Variants in PRKG1 observed in about 807,000 individuals in gnomAD.
PRKG1 encodes the protein protein kinase cGMP-dependent 1.
A neutral mutation model predicts 88.1 loss-of-function variants in PRKG1; 35 were observed. The ratio of observed to expected loss-of-function variants is 0.40; its 90% confidence interval spans 0.30 to 0.53. The LOEUF (loss-of-function observed/expected upper bound fraction) is 0.53. Among genes scored for constraint, PRKG1 ranks in the 20% least tolerant of loss-of-function variants. The pLI is 0.59. For missense variants in PRKG1, 540 were observed against 839.8 expected (o/e 0.64, Z 4.41); for synonymous variants, 303 against 292.5 (o/e 1.04, Z -0.37).
At chr10:51,210,789 C>A (rs1339406827) in intron 2 of PRKG1, among the ~76,000 whole-genome samples, 2 of 152,144 alleles carry the variant, frequency 1.3e-5, no homozygotes, top group South Asian at 2.1e-4. Flanking sequence ...TCTGAATAGA[C>A]CAATAACAGG....
At chr10:51,588,864 G>C (rs1488929941) in intron 3 of PRKG1, among the ~76,000 whole-genome samples, 1 of 152,030 alleles carries the variant, frequency 6.6e-6, no homozygotes, top group African/African-American at 2.4e-5. Flanking sequence ...TATAGTAATT[G>C]CCTTTTGATA....
At chr10:51,594,871 C>T (rs1463564889) in intron 3 of PRKG1, among the ~76,000 whole-genome samples, 1 of 152,136 alleles carries the variant, frequency 6.6e-6, no homozygotes, top group African/African-American at 2.4e-5. Flanking sequence ...GCCTTGGTCT[C>T]TTGCTGTACT....
chr10:51,754,176 G>C (rs559408549), intron 3 of PRKG1, among the ~76,000 whole-genome samples: 1 of 152,104 alleles, frequency 6.6e-6, no homozygotes, highest in Non-Finnish European at 1.5e-5. Flanking sequence ...TAGAGTCCCT[G>C]ATGAAAGTCT....
At chr10:51,220,504 TCA>T (rs201406345) in intron 2 of PRKG1, among the ~76,000 whole-genome samples, 3,095 of 152,002 alleles carry the variant, frequency 0.02, 40 homozygotes, top group Middle Eastern at 0.048. Flanking sequence ...AACAGAGAAT[TCA>T]CAGTCACGAG....
chr10:51,480,460 T>C (rs1181806394), intron 3 of PRKG1, among the ~76,000 whole-genome samples: 1 of 152,138 alleles, frequency 6.6e-6, no homozygotes, highest in Non-Finnish European at 1.5e-5. Context: ...AATTAAAAAT[T>C]GGACCTTACT....
At chr10:52,145,724 C>T (rs1274336965) in intron 8 of PRKG1, among the ~76,000 whole-genome samples, 2 of 152,114 alleles carry the variant, frequency 1.3e-5, no homozygotes, top group Non-Finnish European at 2.9e-5. Context: ...TCACACTTGC[C>T]TGGTGAGACA....
intron 5 of PRKG1, among the ~76,000 whole-genome samples, chr10:51,974,000 G>A (rs1365968086): frequency 2.0e-5 from 3 of 152,058 alleles, no homozygotes; most frequent in Admixed American, 6.6e-5. Context: ...AGTTATTTTG[G>A]AATGCAGTTA....
At chr10:52,263,421 A>G (rs1841484183) in intron 10 of PRKG1, among the ~76,000 whole-genome samples, 1 of 152,162 alleles carries the variant, frequency 6.6e-6, no homozygotes, top group Non-Finnish European at 1.5e-5. Context: ...TCATTGAGGT[A>G]TAATTTACAT....
At chr10:51,748,870 C>T (rs563890274) in intron 3 of PRKG1, among the ~76,000 whole-genome samples, 2 of 152,320 alleles carry the variant, frequency 1.3e-5, no homozygotes, top group East Asian at 1.9e-4. Flanking sequence ...ATTTCCATTA[C>T]TCTTTGTGAA....
At chr10:51,677,681 C>T (rs1840745715) in intron 3 of PRKG1, among the ~76,000 whole-genome samples, 2 of 152,150 alleles carry the variant, frequency 1.3e-5, no homozygotes. Flanking sequence ...AGTCAGTTGC[C>T]ACAATGTCCA....
intron 8 of PRKG1, among the ~76,000 whole-genome samples, chr10:52,156,261 C>G (rs1330411636): frequency 6.6e-6 from 1 of 151,906 alleles, no homozygotes; most frequent in East Asian, 1.9e-4. Context: ...AAATTACTAT[C>G]TGATATGATT....
chr10:51,403,938 C>G (rs1419023982), intron 2 of PRKG1, among the ~76,000 whole-genome samples: 1 of 152,140 alleles, frequency 6.6e-6, no homozygotes, highest in African/African-American at 2.4e-5. Context: ...TAGGTAGTAA[C>G]AAAGCCATTT....
chr10:52,232,524 C>A (rs988347641), intron 9 of PRKG1, among the ~76,000 whole-genome samples: 2 of 152,060 alleles, frequency 1.3e-5, no homozygotes, highest in African/African-American at 2.4e-5. Context: ...ACCAGAATAT[C>A]CTTTATAGTT....
At chr10:52,050,718 A>G (rs1845969192) in intron 5 of PRKG1, among the ~76,000 whole-genome samples, 2 of 152,172 alleles carry the variant, frequency 1.3e-5, no homozygotes, top group Admixed American at 1.3e-4. Flanking sequence ...CTGTGTAGGT[A>G]AACAGATATT....
intron 2 of PRKG1, among the ~76,000 whole-genome samples, chr10:51,364,659 T>C (rs1014443270): frequency 1.3e-4 from 19 of 151,916 alleles, no homozygotes; most frequent in African/African-American, 4.4e-4. Flanking sequence ...GATGGATTTA[T>C]ATAAAAAAAT....
intron 2 of PRKG1, among the ~76,000 whole-genome samples, chr10:51,296,596 G>A (rs904808879): frequency 6.6e-6 from 1 of 151,754 alleles, no homozygotes; most frequent in Non-Finnish European, 1.5e-5. Context: ...AGCTGAGTTT[G>A]TTGATTTTGT....
chr10:51,403,515 C>T (rs1837816798), intron 2 of PRKG1, among the ~76,000 whole-genome samples: 1 of 152,154 alleles, frequency 6.6e-6, no homozygotes, highest in South Asian at 2.1e-4. Context: ...TTAATTTACT[C>T]CTCTACAACA....
At chr10:51,160,593 T>G (rs1846333290) in intron 2 of PRKG1, among the ~76,000 whole-genome samples, 1 of 152,186 alleles carries the variant, frequency 6.6e-6, no homozygotes, top group African/African-American at 2.4e-5. Context: ...CCAGGACAAT[T>G]TATATTGACA....
At chr10:52,014,789 A>C (rs1316850930) in intron 5 of PRKG1, among the ~76,000 whole-genome samples, 1 of 152,240 alleles carries the variant, frequency 6.6e-6, no homozygotes, top group African/African-American at 2.4e-5. Flanking sequence ...GCCAAAACAA[A>C]GGGGCCACAG....
Sources: allele counts gnomAD v4.1 joint callset (sites outside exome capture counted in the v4.1 genomes callset), GRCh38; gene constraint gnomAD v4.1.1; transcripts MANE v1.5; gene names NCBI Gene and HGNC (gene_info 2026-07-23, HGNC 2026-07-21).